Variants in FBH1 observed in about 807,000 individuals in gnomAD.
FBH1 encodes the protein F-box DNA helicase 1.
A neutral mutation model predicts 115.5 loss-of-function variants in FBH1; 43 were observed. The observed-to-expected ratio is 0.37, with a 90% CI of 0.29 to 0.48. The LOEUF is 0.48. FBH1 is among the 20% of genes least tolerant of loss of function. The pLI, the probability that FBH1 is intolerant of heterozygous loss-of-function variation, is 0.99. For missense variants in FBH1, 1,001 were observed against 1,337.3 expected (o/e 0.75, Z 3.92); for synonymous variants, 524 against 507.8 (o/e 1.03, Z -0.43).
intron 3 of FBH1, among the ~76,000 whole-genome samples, chr10:5,908,618 T>C (rs78792576): frequency 6.6e-6 from 1 of 152,116 alleles, no homozygotes; most frequent in South Asian, 2.1e-4. Flanking sequence ...TTTTTTTTTT[T>C]TGAGATGGAG....
chr10:5,906,176 C>T lies in FBH1; in HGVS notation c.297C>T (p.Ser99=). ...SEGDMIFPAE[S]SCALPQEGSA... The stretch of plus-strand genomic sequence containing the variant: ...GTGACATGATCTTTCCTGCAGAGAG[C>T]AGCTGTGCACTGCCTCAGGAAGGCA... The change falls in exon 3 of 21, where the codon AGC becomes AGT. Residue 99 remains serine (S), a synonymous_variant. Coordinates refer to ENST00000362091, the MANE Select transcript of FBH1 (RefSeq NM_178150.3). The surrounding 1 kb of genome is among the most constrained non-coding windows in gnomAD (Gnocchi z 7.3). The T allele has an allele frequency of 6.2e-7, 1 of 1,614,210 alleles. No individual in the cohort carries two copies. The highest frequency in any genetic ancestry group is 8.5e-7 in the Non-Finnish European group (1 of 1,180,010).
chr10:5,926,083 G>C (rs1253263791), intron 18 of FBH1, among the ~76,000 whole-genome samples: 3 of 145,588 alleles, frequency 2.1e-5, no homozygotes, highest in Admixed American at 7.1e-5. Context: ...CTGCTTTCTT[G>C]TTGTTGTTGT....
At chr10:5,927,305 C>T (rs1832713631) in intron 18 of FBH1, 130 bp from the exon 19 acceptor site, 3 of 626,830 alleles carry the variant, frequency 4.8e-6, no homozygotes, top group Admixed American at 3.6e-5. Context: ...TTTGTATTTA[C>T]AGCCAACAAA....
Position 5,895,676 on chromosome 10 carries a change from G to A in FBH1, c.1+5330G>A, listed in dbSNP as rs1378274194. ...AGTTTGTGTGTGTAGGTGTGGGGAG[G>A]GAGGGTTCTTTTTAAAGCAGTAGTC... On this transcript the variant is annotated intron_variant, in intron 1 of 20. Coordinates refer to ENST00000362091, the MANE Select transcript of FBH1 (RefSeq NM_178150.3). This position sits in a 1 kb window ranked among gnomAD's most constrained non-coding sequence, Gnocchi z 5.0. Among the ~76,000 whole-genome samples, 1 of 152,084 alleles carries A rather than the reference G, an allele frequency of 6.6e-6. No individual in the cohort carries two copies.
In FBH1 at chr10:5,927,483, G is replaced by A; in HGVS notation, c.2771G>A (p.Arg924Gln). Residue 924 changes from arginine (R) to glutamine (Q), a missense_variant, in exon 19 of 21, where the codon CGA becomes CAA. Physicochemically the swap from Arg to Gln is conservative, Grantham distance 43. Transcript: ENST00000362091. ...EWNLLYVAVT[R>Q]AKKRLIMTKS... Reference sequence around the variant, plus strand: ...AATTTACTGTATGTTGCAGTAACTCGAGCCAAGAAGCGTCTCATCATGACC... The same window carrying A: ...AATTTACTGTATGTTGCAGTAACTCAAGCCAAGAAGCGTCTCATCATGACC... 1 of 1,613,768 alleles carries A rather than the reference G, an allele frequency of 6.2e-7. No individual in the cohort carries two copies. The highest frequency in any genetic ancestry group is 8.5e-7 in the Non-Finnish European group (1 of 1,179,956).
intron 2 of FBH1, among the ~76,000 whole-genome samples, chr10:5,904,077 C>T (rs906797987): frequency 1.6e-4 from 24 of 150,800 alleles, no homozygotes; most frequent in Admixed American, 3.3e-4. Context: ...TTTTTTGAGG[C>T]AGGGTCTTGC....
intron 1 of FBH1, chr10:5,891,201 A>G (rs959498504): frequency 9.1e-6 from 9 of 985,242 alleles, no homozygotes; most frequent in Non-Finnish European, 1.1e-5. Context: ...GAGCGGAGAT[A>G]AATGAAAAGA....
At position 5,933,016 on chromosome 10, in the gene FBH1, C is replaced by A. The variant is rs909225602; in HGVS notation, c.2830-3440C>A. On this transcript the variant is annotated intron_variant, in intron 19 of 20. Transcript: ENST00000362091. This position sits in a 1 kb window ranked among gnomAD's most constrained non-coding sequence, Gnocchi z 4.9. ...ACAGGCATGAGCCACTGCACCTGGC[C>A]AAGTGTGACTTTTCTAGATGTTGCC... Among the ~76,000 whole-genome samples the A allele has an allele frequency of 6.6e-6, 1 of 152,124 alleles. No individual in the cohort carries two copies. Among genetic ancestry groups the A allele is most frequent in the Admixed American group, 6.5e-5 (1 of 15,272 alleles).
intron 19 of FBH1, among the ~76,000 whole-genome samples, chr10:5,934,064 C>T (rs775977873): frequency 3.3e-5 from 5 of 152,044 alleles, no homozygotes; most frequent in African/African-American, 4.8e-5. Context: ...ATGAAGATCC[C>T]GAGTTGGGCA....
chr10:5,902,899 G>A (rs1843439737), intron 1 of FBH1, 121 bp from the exon 2 acceptor site: 1 of 888,160 alleles, frequency 1.1e-6, no homozygotes, highest in East Asian at 3.0e-5. Flanking sequence ...GGAACGGTTG[G>A]CTGGGGTGTT....
In FBH1 at chr10:5,935,602, T is replaced by C. The variant is rs2132157051; in HGVS notation, c.2830-854T>C. 1 of 152,360 alleles carries C rather than the reference T, an allele frequency of 6.6e-6. No homozygotes were observed. Among genetic ancestry groups the C allele is most frequent in the East Asian group, 1.9e-4 (1 of 5,184 alleles). The allele number at this position is 152,360 out of a possible 1,614,324, so 9.4% of individuals were successfully genotyped here. On this transcript the variant is annotated intron_variant, in intron 19 of 20. Coordinates refer to ENST00000362091, the MANE Select transcript of FBH1 (RefSeq NM_178150.3). This position sits in a 1 kb window ranked among gnomAD's most constrained non-coding sequence, Gnocchi z 5.2. ...GTACTTGTTGGCCATAACTGGAGTG[T>C]TTGCCTGGTGGTTTTCTGTTCTTTT...
In FBH1 at chr10:5,913,833, G is replaced by T. The variant is rs916361150; in HGVS notation, c.1298G>T (p.Trp433Leu). The change falls in exon 7 of 21, where the codon TGG (tryptophan) becomes TTG (leucine). Residue 433 changes from tryptophan (W) to leucine (L), a missense_variant. Coordinates refer to ENST00000362091, the MANE Select transcript of FBH1 (RefSeq NM_178150.3). The surrounding 1 kb of genome is among the most constrained non-coding windows in gnomAD (Gnocchi z 4.4). ...ATKVKEEPSV[W>L]PGKKTIQLTH... ...AAAGTTAAAGAGGAGCCATCTGTCT[G>T]GCCAGGGTATGTGTATATGTGCGTC... The T allele has an allele frequency of 3.1e-6, 5 of 1,599,482 alleles. No individual in the cohort carries two copies. The highest frequency in any genetic ancestry group is 4.3e-6 in the Non-Finnish European group (5 of 1,175,706).
At chr10:5,892,177 C>T (rs1053890964) in intron 1 of FBH1, among the ~76,000 whole-genome samples, 9 of 152,168 alleles carry the variant, frequency 5.9e-5, no homozygotes, top group African/African-American at 2.2e-4. Context: ...TCATTTCTTT[C>T]GTGCAGACTT....
intron 1 of FBH1, among the ~76,000 whole-genome samples, chr10:5,898,127 G>A (rs1843118426): frequency 6.6e-6 from 1 of 152,204 alleles, no homozygotes; most frequent in South Asian, 2.1e-4. Context: ...CAGAACGTGT[G>A]CTGCCTCAGT....
Position 5,917,528 on chromosome 10 carries a change from G to A in FBH1, c.1876+21G>A, listed in dbSNP as rs765105928. ...TGACGGTAGGCGGCTGCCGAATGGCGGGGACTGGCCAATGGGACTGCCTTC... is the reference window on the plus strand; with the variant it reads ...TGACGGTAGGCGGCTGCCGAATGGCAGGGACTGGCCAATGGGACTGCCTTC... On this transcript the variant is annotated intron_variant, in intron 11 of 20. Coordinates refer to ENST00000362091, the MANE Select transcript of FBH1 (RefSeq NM_178150.3). The surrounding 1 kb of genome is among the most constrained non-coding windows in gnomAD (Gnocchi z 5.6). 2.3e-5 allele frequency: 37 copies of A among 1,613,498 alleles called. 1 individual carries two copies. The South Asian group carries it at 2.9e-4, about 12-fold the overall frequency.
intron 1 of FBH1, among the ~76,000 whole-genome samples, chr10:5,893,475 TCA>T (rs1440034831): frequency 1.3e-5 from 2 of 152,230 alleles, no homozygotes; most frequent in African/African-American, 2.4e-5. Context: ...CTGTCATTCC[TCA>T]TCAGGGAACC....
Position 5,924,178 on chromosome 10 carries a change from G to A in FBH1, c.2399-133G>A. The A allele has an allele frequency of 2.6e-6, 2 of 776,624 alleles. No individual in the cohort carries two copies. Among genetic ancestry groups the A allele is most frequent in the Admixed American group, 2.3e-5 (1 of 43,826 alleles). The allele number at this position is 776,624 out of a possible 1,614,324, so 48.1% of individuals were successfully genotyped here. A position where few individuals can be genotyped will look rare whatever the true frequency, so the allele number is the denominator to read the frequency against. ...GGACACACAGCGAGTTAGTGATGCA[G>A]TCAGGCCTGGAACCCGGGTCTCCCC... On this transcript the variant is annotated intron_variant, in intron 16 of 20. Coordinates refer to ENST00000362091, the MANE Select transcript of FBH1 (RefSeq NM_178150.3). This position sits in a 1 kb window ranked among gnomAD's most constrained non-coding sequence, Gnocchi z 6.2.
In FBH1 at chr10:5,906,127, A is replaced by C; in HGVS notation, c.248A>C (p.Gln83Pro). 1 of 1,614,156 alleles carries C rather than the reference A, an allele frequency of 6.2e-7. No homozygotes were observed. The highest frequency in any genetic ancestry group is 8.5e-7 in the Non-Finnish European group (1 of 1,180,024). ...ATGGCCAAAAGCAATTCTGTTGGCC[A>C]GGACAGCTGTCAGGACTCTGAGGGT... ...NDMAKSNSVG[Q>P]DSCQDSEGDM... Residue 83 changes from glutamine to proline, a missense_variant, in exon 3 of 21, where the codon CAG becomes CCG. This residue lies in a region of FBH1 where 420 missense variants were observed against 430.4 expected (regional missense o/e 0.98). Transcript: ENST00000362091. This position sits in a 1 kb window ranked among gnomAD's most constrained non-coding sequence, Gnocchi z 7.3.
rs556814164 is a variant in FBH1, at chr10:5,906,232, C to T, written c.353C>T (p.Pro118Leu). 7.4e-6 allele frequency: 12 copies of T among 1,614,210 alleles called. No homozygotes were observed. Among genetic ancestry groups the T allele is most frequent in the Middle Eastern group, 3.3e-4 (2 of 6,062 alleles). Reference protein sequence around the residue: ...SAGPGSPGSAPPSRKRSWSSE... With the variant: ...SAGPGSPGSALPSRKRSWSSE... Reference sequence around the variant, plus strand: ...GGGCCGGGCTCACCAGGGTCTGCCCCGCCCTCCAGGAAGCGGTCTTGGTCC... The same window carrying T: ...GGGCCGGGCTCACCAGGGTCTGCCCTGCCCTCCAGGAAGCGGTCTTGGTCC... Residue 118 changes from proline to leucine, a missense_variant, in exon 3 of 21, where the codon CCG becomes CTG. Coordinates refer to ENST00000362091, the MANE Select transcript of FBH1 (RefSeq NM_178150.3). This position sits in a 1 kb window ranked among gnomAD's most constrained non-coding sequence, Gnocchi z 7.3.
Sources: gnomAD v4.1 joint callset for allele counts (sites outside exome capture counted in the v4.1 genomes callset) on GRCh38, gnomAD v4.1.1 for gene constraint, gnomAD v4.1.1 regional missense constraint, Gnocchi (gnomAD v3.1) non-coding constraint, MANE v1.5 for transcripts, NCBI Gene and HGNC (gene_info 2026-07-23, HGNC 2026-07-21) for gene names.